Variants in TTC1 observed in about 807,000 individuals in gnomAD.
The protein encoded by TTC1 is tetratricopeptide repeat domain 1, also known as tetratricopeptide repeat protein 1.
TTC1 carries 31 observed loss-of-function variants against 37.6 expected under a neutral mutation model. The observed-to-expected ratio is 0.82, with a 90% CI of 0.62 to 1.11. The LOEUF (loss-of-function observed/expected upper bound fraction) is 1.11. Among genes scored for constraint, TTC1 ranks in the 50% most tolerant of loss-of-function variants. The pLI is 0.00. For missense variants in TTC1, 351 were observed against 339.0 expected, an observed-to-expected ratio of 1.04 and a Z score of -0.28; for synonymous variants, 127 against 122.4, an observed-to-expected ratio of 1.04 and a Z score of -0.25.
chr5:160,014,241 G>C (rs141634528), intron 2 of TTC1, among the ~76,000 whole-genome samples: 1,759 of 151,818 alleles, frequency 0.012, 23 homozygotes, highest in African/African-American at 0.024. Flanking sequence ...TCCTGTAATC[G>C]CAACTACTCA....
At chr5:160,033,001 G>A (rs1172608213) in intron 2 of TTC1, among the ~76,000 whole-genome samples, 1 of 151,928 alleles carries the variant, frequency 6.6e-6, no homozygotes, top group African/African-American at 2.4e-5. Context: ...TGGGATTACA[G>A]GCGTGAGCCA....
intron 7 of TTC1, among the ~76,000 whole-genome samples, chr5:160,052,561 A>AAAG (rs1301374700): frequency 4.0e-5 from 6 of 151,366 alleles, no homozygotes; most frequent in Admixed American, 3.9e-4. Context: ...AAAAAAAAAA[A>AAAG]AAAAAAAAAA....
At chr5:160,021,828 C>A (rs1170371406) in intron 2 of TTC1, among the ~76,000 whole-genome samples, 1 of 152,146 alleles carries the variant, frequency 6.6e-6, no homozygotes, top group African/African-American at 2.4e-5. Context: ...CTTGTCCCAC[C>A]TAGATAAGAC....
intron 2 of TTC1, among the ~76,000 whole-genome samples, chr5:160,031,129 C>G (rs1380923598): frequency 6.6e-6 from 1 of 152,204 alleles, no homozygotes; most frequent in Admixed American, 6.5e-5. Flanking sequence ...CTCGGCACAG[C>G]TGGGAAATAG....
intron 7 of TTC1, among the ~76,000 whole-genome samples, chr5:160,058,981 C>G (rs1377168391): frequency 6.6e-6 from 1 of 152,134 alleles, no homozygotes; most frequent in African/African-American, 2.4e-5. Flanking sequence ...CTATGTTGTT[C>G]CATTTCTAGA....
intron 2 of TTC1, among the ~76,000 whole-genome samples, chr5:160,025,320 C>T (rs1285864817): frequency 3.3e-5 from 5 of 152,048 alleles, no homozygotes; most frequent in Admixed American, 3.3e-4. Context: ...AGCCACCGCA[C>T]CTGGCCTAAT....
intron 7 of TTC1, among the ~76,000 whole-genome samples, chr5:160,056,844 G>T (rs1757560235): frequency 6.6e-6 from 1 of 152,204 alleles, no homozygotes; most frequent in Admixed American, 6.5e-5. Context: ...CCTGGACATT[G>T]TGTGCTTTTC....
intron 2 of TTC1, among the ~76,000 whole-genome samples, chr5:160,018,373 A>G (rs1185535295): frequency 1.3e-5 from 2 of 152,218 alleles, no homozygotes; most frequent in African/African-American, 4.8e-5. Flanking sequence ...TTGGCTGGTC[A>G]GGAAAGCCTC....
intron 2 of TTC1, among the ~76,000 whole-genome samples, chr5:160,034,475 C>CTACAGACTTGGCTTGTACCCA (rs1485403483): frequency 2.0e-5 from 3 of 152,160 alleles, no homozygotes; most frequent in African/African-American, 7.2e-5. Context: ...TGCCCTAACC[C>CTACAGACTTGGCTTGTACCCA]TACAGACTTG....
At chr5:160,055,139 A>G (rs548324009) in intron 7 of TTC1, among the ~76,000 whole-genome samples, 15 of 152,320 alleles carry the variant, frequency 9.8e-5, no homozygotes, top group Middle Eastern at 3.4e-3. Context: ...TTGATTCCAG[A>G]TAGAAAAGAA....
intron 3 of TTC1, among the ~76,000 whole-genome samples, chr5:160,035,650 C>T (rs75906065): frequency 3.0e-4 from 46 of 152,216 alleles, no homozygotes; most frequent in Non-Finnish European, 6.2e-4. Context: ...TTTTTAAATT[C>T]TCCAAACTGC....
At chr5:160,043,082 C>T (rs543356052) in intron 4 of TTC1, 51 bp from the exon 5 acceptor site, 1 of 1,581,102 alleles carries the variant, frequency 6.3e-7, no homozygotes. Context: ...AGCCTTTGGG[C>T]CATTAAGATA....
intron 2 of TTC1, among the ~76,000 whole-genome samples, chr5:160,034,013 G>A (rs1273302400): frequency 1.3e-5 from 2 of 152,202 alleles, no homozygotes; most frequent in African/African-American, 2.4e-5. Context: ...CTACTCAGGA[G>A]GCTGAGGCAG....
In TTC1 at chr5:160,047,265, C is replaced by A. The variant is rs142491555; in HGVS notation, c.542-2249C>A. On this transcript the variant is annotated intron_variant, in intron 5 of 7. Coordinates refer to ENST00000231238, the MANE Select transcript of TTC1 (RefSeq NM_003314.3). ...AACGTGCCCAGCCCCCACACACACA[C>A]AAAACTTGCAGTTAGTTTTTTCCAT... Among the ~76,000 whole-genome samples, 19 of 152,220 alleles carry A rather than the reference C, an allele frequency of 1.2e-4. No individual in the cohort carries two copies. The East Asian group carries it at 3.7e-3, about 30-fold the overall frequency.
chr5:160,038,920 C>G (rs1025722610), intron 4 of TTC1: 1 of 152,228 alleles, frequency 6.6e-6, no homozygotes, highest in African/African-American at 2.4e-5. Context: ...CTCAGCTTCC[C>G]AAAGTGCTGG....
At chr5:160,062,718 C>T (rs1031266352) in intron 7 of TTC1, among the ~76,000 whole-genome samples, 1 of 152,156 alleles carries the variant, frequency 6.6e-6, no homozygotes, top group African/African-American at 2.4e-5. Flanking sequence ...ATGTGAGTGG[C>T]TCTTGATACT....
chr5:160,009,840 G>A (rs1486195113), intron 1 of TTC1, among the ~76,000 whole-genome samples: 1 of 152,054 alleles, frequency 6.6e-6, no homozygotes, highest in Non-Finnish European at 1.5e-5. Context: ...CACGCATTTG[G>A]GTTAAAGTGA....
At chr5:160,041,404 G>T (rs755313303) in intron 4 of TTC1, among the ~76,000 whole-genome samples, 2 of 150,096 alleles carry the variant, frequency 1.3e-5, no homozygotes, top group East Asian at 3.9e-4. Context: ...TCTGCCTCCC[G>T]GTTTCAAGCA....
chr5:160,021,921 C>G (rs1409711982), intron 2 of TTC1, among the ~76,000 whole-genome samples: 2 of 152,030 alleles, frequency 1.3e-5, no homozygotes, highest in African/African-American at 2.4e-5. Flanking sequence ...CTCTTTTACT[C>G]CAGCTATTGA....
Sources: allele counts gnomAD v4.1 joint callset (sites outside exome capture counted in the v4.1 genomes callset), GRCh38; gene constraint gnomAD v4.1.1; transcripts MANE v1.5; gene names NCBI Gene and HGNC (gene_info 2026-07-23, HGNC 2026-07-21).